Variants in SYT17 observed in about 807,000 individuals in gnomAD.
SYT17 encodes the protein synaptotagmin 17.
A neutral mutation model predicts 46.7 loss-of-function variants in SYT17; 22 were observed. That is an observed-to-expected ratio of 0.47 (90% CI 0.34 to 0.67). The LOEUF (loss-of-function observed/expected upper bound fraction) is 0.67. Ranked by LOEUF, SYT17 falls within the 30% of genes least tolerant of loss-of-function variation. SYT17 has a pLI of 0.01. For synonymous variants in SYT17, 251 were observed against 248.4 expected, an observed-to-expected ratio of 1.01 and a Z score of -0.10; for missense variants, 519 against 612.8, an observed-to-expected ratio of 0.85 and a Z score of 1.62.
intron 7 of SYT17, among the ~76,000 whole-genome samples, chr16:19,256,556 CTATTATTAT>C (rs66644033): frequency 0.053 from 7,732 of 144,862 alleles, 645 homozygotes; most frequent in East Asian, 0.17. Flanking sequence ...ATGGGTGAGT[CTATTATTAT>C]TATTATTATT....
chr16:19,172,581 A>C, intron 1 of SYT17, 179 bp from the exon 2 acceptor site: 1 of 1,522,062 alleles, frequency 6.6e-7, no homozygotes, highest in Non-Finnish European at 8.8e-7. Context: ...ACACCTTGTT[A>C]GGATGTTAGG....
chr16:19,232,127 G>A (rs2269789), intron 7 of SYT17, among the ~76,000 whole-genome samples: 14 of 152,166 alleles, frequency 9.2e-5, no homozygotes, highest in African/African-American at 3.1e-4. Flanking sequence ...ACTGCCAGGG[G>A]TTGGCATGAA....
At chr16:19,252,208 G>T (rs114374539) in intron 7 of SYT17, among the ~76,000 whole-genome samples, 2,877 of 150,356 alleles carry the variant, frequency 0.019, 80 homozygotes, top group African/African-American at 0.068. Flanking sequence ...TTTTTGAAAT[G>T]ACCTCAAGAA....
intron 3 of SYT17, among the ~76,000 whole-genome samples, chr16:19,176,723 C>T (rs1964328331): frequency 6.6e-6 from 1 of 152,134 alleles, no homozygotes; most frequent in African/African-American, 2.4e-5. Flanking sequence ...CATTGTGTTG[C>T]CCAGGCTGGT....
intron 5 of SYT17, among the ~76,000 whole-genome samples, chr16:19,210,676 A>G (rs771515624): frequency 6.6e-6 from 1 of 152,180 alleles, no homozygotes; most frequent in Non-Finnish European, 1.5e-5. Context: ...AAGCACTGGC[A>G]TTGCGGTTGG....
chr16:19,231,189 C>T lies in SYT17; in HGVS notation c.1228+6351C>T, dbSNP rs897323656. ...GAGAAATCCCTAAATTTGAAAGAAC[C>T]AAATGTCATGTGTTGAGCCTCTAGC... On this transcript the variant is annotated intron_variant, in intron 7 of 7. Transcript: ENST00000355377. Among the ~76,000 whole-genome samples, 12 of 152,172 alleles carry T rather than the reference C, an allele frequency of 7.9e-5. No individual in the cohort carries two copies. In the East Asian group the frequency reaches 2.3e-3, roughly 29 times the overall value.
At chr16:19,227,293 G>A (rs1031355510) in intron 7 of SYT17, among the ~76,000 whole-genome samples, 1 of 149,206 alleles carries the variant, frequency 6.7e-6, no homozygotes, top group Non-Finnish European at 1.5e-5. Context: ...TTATTTCAGA[G>A]TGTTTTCTTG....
chr16:19,211,230 T>G (rs1965887063), intron 5 of SYT17: 1 of 524,702 alleles, frequency 1.9e-6, no homozygotes, highest in Admixed American at 3.3e-5. Context: ...GAGGTAGAAG[T>G]GGGCCTGTCA....
intron 3 of SYT17, among the ~76,000 whole-genome samples, chr16:19,176,964 A>T (rs530596174): frequency 1.3e-5 from 2 of 152,242 alleles, no homozygotes; most frequent in East Asian, 3.9e-4. Context: ...CAGAGTAAGG[A>T]ATCTGGATTT....
At chr16:19,214,706 G>A (rs2142822487) in intron 5 of SYT17, among the ~76,000 whole-genome samples, 1 of 152,206 alleles carries the variant, frequency 6.6e-6, no homozygotes, top group East Asian at 1.9e-4. Context: ...TTTCCTCCAG[G>A]GCTGGGTTAG....
chr16:19,255,249 G>A (rs535722508), intron 7 of SYT17, among the ~76,000 whole-genome samples: 6 of 152,130 alleles, frequency 3.9e-5, no homozygotes, highest in African/African-American at 1.2e-4. Context: ...CGGTTTTAAT[G>A]AAGGGAACTC....
chr16:19,214,548 T>G (rs574765989), intron 5 of SYT17, among the ~76,000 whole-genome samples: 7 of 152,192 alleles, frequency 4.6e-5, no homozygotes, highest in Non-Finnish European at 1.0e-4. Context: ...GAAGAAGGAC[T>G]GAGAAGATGC....
At chr16:19,192,155 C>T (rs1277606608) in intron 5 of SYT17, among the ~76,000 whole-genome samples, 6 of 152,186 alleles carry the variant, frequency 3.9e-5, no homozygotes, top group Non-Finnish European at 8.8e-5. Flanking sequence ...CACGGTGCCT[C>T]ACATCTGTAA....
At chr16:19,246,655 G>T (rs1415770733) in intron 7 of SYT17, among the ~76,000 whole-genome samples, 1 of 152,184 alleles carries the variant, frequency 6.6e-6, no homozygotes, top group Non-Finnish European at 1.5e-5. Flanking sequence ...GCACATCTGG[G>T]TATGTGTATG....
At chr16:19,222,265 G>C (rs536694531) in intron 5 of SYT17, among the ~76,000 whole-genome samples, 1 of 151,920 alleles carries the variant, frequency 6.6e-6, no homozygotes, top group Non-Finnish European at 1.5e-5. Context: ...CTAGTCTATT[G>C]TTTTGTATAT....
Position 19,250,359 on chromosome 16 carries a change from T to TTGTGTGTGTGTGTGTGTGTG in SYT17, c.1229-16495_1229-16476dup, listed in dbSNP as rs55818940. On this transcript the variant is annotated intron_variant, in intron 7 of 7. Transcript: ENST00000355377. ...TTTCAAAAAGATGTCTCAAACATGTTTGTGTGTGTGTGTGTGTGTGTGTGT... is the reference window on the plus strand; with the variant it reads ...TTTCAAAAAGATGTCTCAAACATGTTTGTGTGTGTGTGTGTGTGTGTGTGTGTGTGTGTGTGTGTGTGTGT... Among the ~76,000 whole-genome samples, 78 of 132,556 alleles carry TTGTGTGTGTGTGTGTGTGTG rather than the reference T, an allele frequency of 5.9e-4. 1 individual carries two copies. Among genetic ancestry groups the TTGTGTGTGTGTGTGTGTGTG allele is most frequent in the South Asian group, 5.2e-3 (19 of 3,622 alleles). 87.0% of individuals were successfully genotyped at this position (132,556 alleles called of 152,430 possible).
chr16:19,255,309 T>TA (rs752893230), intron 7 of SYT17, among the ~76,000 whole-genome samples: 2 of 152,130 alleles, frequency 1.3e-5, no homozygotes, highest in Non-Finnish European at 2.9e-5. Flanking sequence ...CCTCCACACT[T>TA]ACACTGATAT....
chr16:19,254,698 A>C (rs1968437593), intron 7 of SYT17, among the ~76,000 whole-genome samples: 1 of 152,196 alleles, frequency 6.6e-6, no homozygotes, highest in Admixed American at 6.5e-5. Flanking sequence ...TCTTCCCCCA[A>C]GCGATGCCAG....
At chr16:19,208,884 CTTTTTT>C (rs1191498524) in intron 5 of SYT17, among the ~76,000 whole-genome samples, 17 of 63,310 alleles carry the variant, frequency 2.7e-4, no homozygotes, top group South Asian at 7.1e-4. Flanking sequence ...CAAGGACCTT[CTTTTTT>C]TTTTTTTTTT....
Sources: gnomAD v4.1 joint callset for allele counts (sites outside exome capture counted in the v4.1 genomes callset) on GRCh38, gnomAD v4.1.1 for gene constraint, MANE v1.5 for transcripts, NCBI Gene and HGNC (gene_info 2026-07-23, HGNC 2026-07-21) for gene names.